Variants in MEST observed in about 807,000 individuals in gnomAD.
MEST encodes mesoderm-specific transcript homolog protein.
A neutral mutation model predicts 50.9 loss-of-function variants in MEST; 18 were observed. The observed-to-expected ratio is 0.35, with a 90% confidence interval of 0.24 to 0.52. The LOEUF is 0.52. Among genes scored for constraint, MEST ranks in the 20% least tolerant of loss-of-function variants. MEST has a pLI of 0.94. For missense variants in MEST, 282 were observed against 425.3 expected, an observed-to-expected ratio of 0.66 and a Z score of 2.96; for synonymous variants, 130 against 154.1, an observed-to-expected ratio of 0.84 and a Z score of 1.16.
chr7:130,502,719 C>T lies in MEST; in HGVS notation c.825C>T (p.Pro275=), dbSNP rs1283288791. 6.2e-7 allele frequency: 1 copy of T among 1,610,728 alleles called. No homozygotes were observed. The highest frequency in any genetic ancestry group is 8.5e-7 in the Non-Finnish European group (1 of 1,177,012). ...GAGCTCTTGCCTCTGTAACTATCCC[C>T]AGTGAGTATTTTTGTATTATTGATA... is the stretch of plus-strand genomic sequence containing the variant. ...WVGALASVTI[P]IHFIYGPLDP... The change falls in exon 10 of 12, where the codon CCC becomes CCT. Residue 275 remains proline, a splice_region_variant and synonymous_variant. Coordinates refer to ENST00000223215, the MANE Select transcript of MEST (RefSeq NM_002402.4).
chr7:130,498,643 T>A lies in MEST; in HGVS notation c.535+166T>A, dbSNP rs192213669. On this transcript the variant is annotated intron_variant, in intron 6 of 11. Coordinates refer to ENST00000223215, the MANE Select transcript of MEST (RefSeq NM_002402.4). ...AACTCCTTTGGTGGTCTGACAAGATTTATGGACCCTTTCTCAGAATGTTTT... is the reference window on the plus strand; with the variant it reads ...AACTCCTTTGGTGGTCTGACAAGATATATGGACCCTTTCTCAGAATGTTTT... 5 of 649,142 alleles carry A rather than the reference T, an allele frequency of 7.7e-6. No homozygotes were observed. The East Asian group carries it at 1.4e-4, about 18-fold the overall frequency. 40.2% of individuals were successfully genotyped at this position (649,142 alleles called of 1,614,324 possible). A position where few individuals can be genotyped will look rare whatever the true frequency, so the allele number is the denominator to read the frequency against.
Position 130,506,451 on chromosome 7 carries a change from C to G in MEST, c.*1395C>G, listed in dbSNP as rs1195107035. 1 of 293,922 alleles carries G rather than the reference C, an allele frequency of 3.4e-6. No individual in the cohort carries two copies. Among genetic ancestry groups the G allele is most frequent in the Non-Finnish European group, 6.3e-6 (1 of 159,290 alleles). The allele number at this position is 293,922 out of a possible 1,614,324, so 18.2% of individuals were successfully genotyped here. ...ATTTTCAAGATCACCCAAAGCTGCACTATCGTCCCAAAGCTGACCAAGTAG... is the reference window on the plus strand; with the variant it reads ...ATTTTCAAGATCACCCAAAGCTGCAGTATCGTCCCAAAGCTGACCAAGTAG... On this transcript the variant is annotated 3_prime_UTR_variant, in exon 12 of 12. Transcript: ENST00000223215.
At chr7:130,501,107 C>T (rs1382866389) in intron 9 of MEST, 1 of 431,924 alleles carries the variant, frequency 2.3e-6, no homozygotes, top group East Asian at 3.7e-5. Context: ...AGTATTGAAT[C>T]ATGGTTGTGA....
In MEST at chr7:130,499,792, G is replaced by A. The variant is rs994066298; in HGVS notation, c.536-83G>A. The A allele has an allele frequency of 4.7e-5, 54 of 1,149,154 alleles. 1 individual carries two copies. The Middle Eastern group carries it at 8.6e-4, about 18-fold the overall frequency. The allele number at this position is 1,149,154 out of a possible 1,614,324, so 71.2% of individuals were successfully genotyped here. On this transcript the variant is annotated intron_variant, in intron 6 of 11. Transcript: ENST00000223215. ...GGATTGCTTGAGCTCGAGACCAGCT[G>A]GGCAACCCAGTGAGATCCCGTCTCT...
At chr7:130,496,794 G>A (rs1486503953) in intron 2 of MEST, 2 of 169,832 alleles carry the variant, frequency 1.2e-5, no homozygotes, top group African/African-American at 2.4e-5. Context: ...TGTAGTTTAT[G>A]TGTTGTGATC....
chr7:130,499,203 T>C (rs553246018), intron 6 of MEST, among the ~76,000 whole-genome samples: 2 of 152,312 alleles, frequency 1.3e-5, no homozygotes, highest in Admixed American at 6.5e-5. Context: ...TTAGACTTTC[T>C]GGGTAGCCAG....
rs1554439525 is a variant in MEST at position 130,504,978 on chromosome 7, C to T, written c.930C>T (p.Asp310=). The T allele has an allele frequency of 6.2e-7, 1 of 1,613,850 alleles. No homozygotes were observed. ...GGTCCACAGTGTCGATTCTGGATGACCACATTAGCCACTATCCACAGCTAG... is the reference window on the plus strand; with the variant it reads ...GGTCCACAGTGTCGATTCTGGATGATCACATTAGCCACTATCCACAGCTAG... ...LPRSTVSILD[D]HISHYPQLED... Residue 310 remains aspartate, a synonymous_variant, in exon 12 of 12, where the codon GAC becomes GAT. Coordinates refer to ENST00000223215, the MANE Select transcript of MEST (RefSeq NM_002402.4).
Position 130,505,101 on chromosome 7 carries a change from T to C in MEST, c.*45T>C, listed in dbSNP as rs782569774. ...CTGTATTACCTCCCCTACTCCCTTA[T>C]GTGTTGTGTATTCCACTTAGGAAGA... On this transcript the variant is annotated 3_prime_UTR_variant, in exon 12 of 12. Coordinates refer to ENST00000223215, the MANE Select transcript of MEST (RefSeq NM_002402.4). 1.3e-5 allele frequency: 18 copies of C among 1,387,364 alleles called. No individual in the cohort carries two copies. The East Asian group carries it at 3.7e-4, about 28-fold the overall frequency. The allele number at this position is 1,387,364 out of a possible 1,614,324, so 85.9% of individuals were successfully genotyped here.
intron 2 of MEST, chr7:130,496,500 C>T (rs1251714093): frequency 1.2e-5 from 3 of 254,006 alleles, no homozygotes; most frequent in Non-Finnish European, 2.3e-5. Flanking sequence ...TAATCCCATA[C>T]TATTAGCAAG....
intron 10 of MEST, among the ~76,000 whole-genome samples, chr7:130,503,448 C>G (rs187703771): frequency 6.6e-6 from 1 of 152,276 alleles, no homozygotes; most frequent in East Asian, 1.9e-4. Flanking sequence ...ACGTGCCTAG[C>G]AGTTTTTTAG....
exon 1 of MEST, chr7:130,486,210 A>G (rs928718904): frequency 1.3e-5 from 2 of 152,324 alleles, no homozygotes; most frequent in South Asian, 2.1e-4. Context: ...GCGGCAGCAC[A>G]TGCTGGGCTC....
At position 130,502,701 on chromosome 7, in the gene MEST, T is replaced by G. The variant is rs782178709; in HGVS notation, c.807T>G (p.Leu269=). ...TCAGAAGGCGCTGGGTGGGAGCTCT[T>G]GCCTCTGTAACTATCCCCAGTGAGT... ...KKFRRRWVGA[L]ASVTIPIHFI... The change falls in exon 10 of 12, where the codon CTT becomes CTG. Residue 269 remains leucine, a synonymous_variant. Transcript: ENST00000223215. 8.7e-6 allele frequency: 14 copies of G among 1,613,494 alleles called. No individual in the cohort carries two copies. Among genetic ancestry groups the G allele is most frequent in the Non-Finnish European group, 2.5e-6 (3 of 1,179,568 alleles).
rs370279596 is a variant in MEST, at chr7:130,498,321, T to C, written c.476+46T>C. On this transcript the variant is annotated intron_variant, in intron 5 of 11. Transcript: ENST00000223215. The stretch of plus-strand genomic sequence containing the variant: ...CAGCTTATGATGCTAGGAAAGTACA[T>C]TGTTTCTGGACTGTTTGTATCCTTT... 1.7e-5 allele frequency: 27 copies of C among 1,611,456 alleles called. No individual in the cohort carries two copies. In the Admixed American group the frequency reaches 2.8e-4, roughly 17 times the overall value.
rs1799427311 is a variant in MEST at position 130,505,011 on chromosome 7, C to CATGGGCTTCTTGAATGCATAT, written c.973_993dup (p.Leu325_Phe331dup). On this transcript the variant is annotated inframe_insertion, in exon 12 of 12. Coordinates refer to ENST00000223215, the MANE Select transcript of MEST (RefSeq NM_002402.4). ...GCCACTATCCACAGCTAGAGGATCC[C>CATGGGCTTCTTGAATGCATAT]ATGGGCTTCTTGAATGCATATATGG... The CATGGGCTTCTTGAATGCATAT allele has an allele frequency of 6.2e-7, 1 of 1,613,772 alleles. No homozygotes were observed. The highest frequency in any genetic ancestry group is 1.7e-5 in the Admixed American group (1 of 60,002).
In MEST at chr7:130,497,542, G is replaced by C; in HGVS notation, c.261+307G>C. 3.8e-6 allele frequency: 1 copy of C among 260,574 alleles called. No individual in the cohort carries two copies. Among genetic ancestry groups the C allele is most frequent in the Non-Finnish European group, 7.3e-6 (1 of 137,814 alleles). 16.1% of individuals were successfully genotyped at this position (260,574 alleles called of 1,614,324 possible). On this transcript the variant is annotated intron_variant, in intron 3 of 11. Transcript: ENST00000223215. This position sits in a 1 kb window ranked among gnomAD's most constrained non-coding sequence, Gnocchi z 4.0. Reference sequence around the variant, plus strand: ...ACTGCACTTCAGCCTAGGTGACAGAGCGAGAGTCTGTCTCAAAAAAAAATT... The same window carrying C: ...ACTGCACTTCAGCCTAGGTGACAGACCGAGAGTCTGTCTCAAAAAAAAATT...
Position 130,497,082 on chromosome 7 carries a change from A to T in MEST, c.182-74A>T. 1 of 1,187,112 alleles carries T rather than the reference A, an allele frequency of 8.4e-7. No homozygotes were observed. Among genetic ancestry groups the T allele is most frequent in the Non-Finnish European group, 1.2e-6 (1 of 825,784 alleles). 73.5% of individuals were successfully genotyped at this position (1,187,112 alleles called of 1,614,324 possible). On this transcript the variant is annotated intron_variant, in intron 2 of 11. Coordinates refer to ENST00000223215, the MANE Select transcript of MEST (RefSeq NM_002402.4). The surrounding 1 kb of genome is among the most constrained non-coding windows in gnomAD (Gnocchi z 4.0). ...AGTTGCTTGTTCTTTGTATCAGATT[A>T]CTTAGATTTTAACATCTTCGAGGTT...
chr7:130,486,467 C>T (rs1798623571), intron 1 of MEST: 2 of 152,546 alleles, frequency 1.3e-5, no homozygotes, highest in South Asian at 2.1e-4. Context: ...GTGGGACTAG[C>T]CCTCCTTGGG....
At chr7:130,491,875 T>A (rs1010582086), upstream of MEST, among the ~76,000 whole-genome samples, 8 of 151,988 alleles carry the variant, frequency 5.3e-5, no homozygotes, top group Non-Finnish European at 7.4e-5. This position sits in a 1 kb window ranked among gnomAD's most constrained non-coding sequence, Gnocchi z 6.8. Flanking sequence ...CAGCGGGGTC[T>A]TGGGGAGGGG....
upstream of MEST, among the ~76,000 whole-genome samples, chr7:130,490,606 C>T (rs1257362253): frequency 6.6e-6 from 1 of 152,148 alleles, no homozygotes; most frequent in African/African-American, 2.4e-5. Context: ...GGGCCTTACA[C>T]GTTAGGGAGG....
Sources: gnomAD v4.1 joint callset for allele counts (sites outside exome capture counted in the v4.1 genomes callset) on GRCh38, gnomAD v4.1.1 for gene constraint, Gnocchi (gnomAD v3.1) non-coding constraint, MANE v1.5 for transcripts, NCBI Gene and HGNC (gene_info 2026-07-23, HGNC 2026-07-21) for gene names.